Variants in PTPRD observed in about 807,000 individuals in gnomAD.
The protein encoded by PTPRD is protein tyrosine phosphatase receptor type D.
A neutral mutation model predicts 214.5 loss-of-function variants in PTPRD; 34 were observed. The ratio of observed to expected loss-of-function variants is 0.16; its 90% CI spans 0.12 to 0.21. The LOEUF is 0.21. PTPRD is among the 10% of genes least tolerant of loss of function. PTPRD has a pLI of 1.00. For missense variants in PTPRD, 2,545 were observed against 2,398.7 expected, an observed-to-expected ratio of 1.06 and a Z score of -1.27; for synonymous variants, 1,128 against 845.7, an observed-to-expected ratio of 1.33 and a Z score of -5.79.
At chr9:9,026,725 T>G (rs529596428) in intron 10 of PTPRD, among the ~76,000 whole-genome samples, 1 of 151,972 alleles carries the variant, frequency 6.6e-6, no homozygotes, top group African/African-American at 2.4e-5. Flanking sequence ...CAAGATTCAG[T>G]AGCTTTATGT....
chr9:9,246,350 G>T (rs1179279760), intron 9 of PTPRD, among the ~76,000 whole-genome samples: 1 of 152,014 alleles, frequency 6.6e-6, no homozygotes, highest in African/African-American at 2.4e-5. Context: ...GCTGAAGCTT[G>T]ACCACTTGAT....
chr9:8,486,177 A>G lies in PTPRD; in HGVS notation c.2640T>C (p.Phe880=), dbSNP rs2135959073. Residue 880 remains phenylalanine, a synonymous_variant, in exon 28 of 46, where the codon TTT becomes TTC. Coordinates refer to ENST00000381196, the MANE Select transcript of PTPRD (RefSeq NM_002839.4). ...CTCCCTTGTGGATGTCTGTAGCTGT[A>G]AAGTGATCTTCTTTTTCAGAGAACT... ...TLEFSEKEDH[F]TATDIHKGAS... 6.2e-7 allele frequency: 1 copy of G among 1,614,214 alleles called. No individual in the cohort carries two copies. The highest frequency in any genetic ancestry group is 8.5e-7 in the Non-Finnish European group (1 of 1,180,028).
chr9:8,638,103 C>CTTTTTTTTT (rs963311950), intron 12 of PTPRD, among the ~76,000 whole-genome samples: 3 of 127,030 alleles, frequency 2.4e-5, no homozygotes, highest in Admixed American at 7.8e-5. Context: ...GCTGTTCCTT[C>CTTTTTTTTT]TTTTTTTTTT....
intron 3 of PTPRD, among the ~76,000 whole-genome samples, chr9:10,142,468 A>T (rs1466407299): frequency 2.6e-5 from 4 of 152,184 alleles, no homozygotes; most frequent in Non-Finnish European, 5.9e-5. Context: ...GGCAAAGGAC[A>T]TGAACAGACA....
Position 8,323,529 on chromosome 9 carries a change from G to A in PTPRD, c.5535-3563C>T, listed in dbSNP as rs532995507. ...TATCAACAGTAACAGGAGTTTGGAA[G>A]AAGTTGATTCCAATCTTCATGGATG... On this transcript the variant is annotated intron_variant, in intron 44 of 45. Transcript: ENST00000381196. Among the ~76,000 whole-genome samples, 7 of 152,282 alleles carry A rather than the reference G, an allele frequency of 4.6e-5. No individual in the cohort carries two copies. In the East Asian group the frequency reaches 1.2e-3, roughly 25 times the overall value.
chr9:8,948,406 AATATAT>A (rs200142612), intron 11 of PTPRD, among the ~76,000 whole-genome samples: 1 of 57,140 alleles, frequency 1.8e-5, no homozygotes, highest in Non-Finnish European at 3.3e-5. Flanking sequence ...TTGGGTTTAA[AATATAT>A]ATATATATAT....
rs76185364 is a variant in PTPRD, at chr9:8,539,749, G to A, written c.353-10970C>T. ...GAACATTTTGTTAAATAACAGGCTC[G>A]TTATCTTCAAAACTATCATGGTCAG... On this transcript the variant is annotated intron_variant, in intron 14 of 45. Coordinates refer to ENST00000381196, the MANE Select transcript of PTPRD (RefSeq NM_002839.4). Among the ~76,000 whole-genome samples the A allele has an allele frequency of 5.5e-3, 840 of 152,074 alleles. 19 individuals carry two copies. The East Asian group carries it at 0.07, about 13-fold the overall frequency.
chr9:9,291,984 A>G (rs531945182), intron 9 of PTPRD, among the ~76,000 whole-genome samples: 26 of 151,170 alleles, frequency 1.7e-4, no homozygotes, highest in Non-Finnish European at 3.0e-4. Flanking sequence ...GCAATTACTT[A>G]CTACTTATAT....
At chr9:10,602,978 GA>G (rs2078361783) in intron 2 of PTPRD, among the ~76,000 whole-genome samples, 1 of 151,712 alleles carries the variant, frequency 6.6e-6, no homozygotes, top group South Asian at 2.1e-4. Context: ...CATATGAGGT[GA>G]ACTAACTCAA....
chr9:8,513,921 T>A (rs2097731847), intron 21 of PTPRD, among the ~76,000 whole-genome samples: 2 of 152,112 alleles, frequency 1.3e-5, no homozygotes, highest in South Asian at 2.1e-4. Context: ...TCAACATGTA[T>A]TAAAAGTAAA....
intron 2 of PTPRD, among the ~76,000 whole-genome samples, chr9:10,412,981 C>T (rs1157706125): frequency 6.6e-6 from 1 of 151,654 alleles, no homozygotes; most frequent in Non-Finnish European, 1.5e-5. Flanking sequence ...TAAAAGCCAC[C>T]CATGGCAGAC....
intron 3 of PTPRD, among the ~76,000 whole-genome samples, chr9:10,052,309 CTCAT>C (rs1159338157): frequency 3.9e-5 from 6 of 152,104 alleles, no homozygotes; most frequent in Admixed American, 6.6e-5. Flanking sequence ...TAAGGATGAG[CTCAT>C]TCAAACACTG....
chr9:8,683,336 A>C (rs1180462487), intron 12 of PTPRD, among the ~76,000 whole-genome samples: 1 of 151,882 alleles, frequency 6.6e-6, no homozygotes, highest in Non-Finnish European at 1.5e-5. Flanking sequence ...GAAAAATGTT[A>C]ATTCATAACT....
At chr9:9,661,559 C>T (rs1460930210) in intron 7 of PTPRD, among the ~76,000 whole-genome samples, 1 of 151,694 alleles carries the variant, frequency 6.6e-6, no homozygotes, top group Non-Finnish European at 1.5e-5. Context: ...ACTTACTCTA[C>T]CTATACAGAA....
At chr9:10,014,945 T>G (rs911484681) in intron 4 of PTPRD, among the ~76,000 whole-genome samples, 12 of 152,192 alleles carry the variant, frequency 7.9e-5, no homozygotes, top group African/African-American at 2.9e-4. Context: ...TTGTTTGGGA[T>G]TGAGTAATTA....
At chr9:10,551,801 T>A (rs942794081) in intron 2 of PTPRD, among the ~76,000 whole-genome samples, 1 of 152,114 alleles carries the variant, frequency 6.6e-6, no homozygotes, top group African/African-American at 2.4e-5. Context: ...GGATCCAAGC[T>A]GAGAAAGTAC....
At chr9:9,063,226 T>C (rs187650592) in intron 10 of PTPRD, among the ~76,000 whole-genome samples, 1 of 152,128 alleles carries the variant, frequency 6.6e-6, no homozygotes, top group Non-Finnish European at 1.5e-5. Flanking sequence ...TAATATGAGA[T>C]AGAAAAAAAC....
At chr9:9,864,604 G>A (rs908240556) in intron 5 of PTPRD, among the ~76,000 whole-genome samples, 4 of 151,946 alleles carry the variant, frequency 2.6e-5, no homozygotes, top group Admixed American at 2.0e-4. Flanking sequence ...CTGCAGCCTC[G>A]ATCTCTTGGG....
At chr9:9,618,021 C>T (rs190911249) in intron 7 of PTPRD, among the ~76,000 whole-genome samples, 1 of 134,826 alleles carries the variant, frequency 7.4e-6, no homozygotes, top group Non-Finnish European at 1.5e-5. Flanking sequence ...GCAGTGAGCC[C>T]AGATCGCGCC....
Sources: allele counts gnomAD v4.1 joint callset (sites outside exome capture counted in the v4.1 genomes callset), GRCh38; gene constraint gnomAD v4.1.1; transcripts MANE v1.5; gene names NCBI Gene and HGNC (gene_info 2026-07-23, HGNC 2026-07-21).